The following RBX1 variants were observed in gnomAD, a reference collection of about 807,000 sequenced individuals.
The protein encoded by RBX1 is E3 ubiquitin-protein ligase RBX1.
For missense variants in RBX1, 46 were observed against 141.4 expected (o/e 0.33, Z 3.42); for synonymous variants, 48 against 47.9 (o/e 1.00, Z -0.01).
intron 3 of RBX1, among the ~76,000 whole-genome samples, chr22:40,964,663 T>G (rs1209724567): frequency 6.6e-6 from 1 of 152,232 alleles, no homozygotes; most frequent in African/African-American, 2.4e-5. Flanking sequence ...AAATATCAAA[T>G]ATGTTAGTTC....
chr22:40,970,210 G>T (rs2058365223), intron 4 of RBX1, among the ~76,000 whole-genome samples: 1 of 151,824 alleles, frequency 6.6e-6, no homozygotes, highest in African/African-American at 2.4e-5. Flanking sequence ...ACAAAAATTA[G>T]CCAGGCATGG....
At chr22:40,970,350 CAAA>C (rs1000627504) in intron 4 of RBX1, among the ~76,000 whole-genome samples, 10 of 101,568 alleles carry the variant, frequency 9.8e-5, no homozygotes, top group African/African-American at 1.5e-4. Context: ...AACTTCGTCT[CAAA>C]AAAAAAAAAA....
chr22:40,964,545 AT>A, intron 3 of RBX1: 1 of 159,014 alleles, frequency 6.3e-6, no homozygotes, highest in Middle Eastern at 3.3e-3. Context: ...AGTGTGGCGT[AT>A]GTACTGAGAT....
intron 1 of RBX1, 39 bp downstream of exon 1, chr22:40,951,515 A>G: frequency 6.3e-7 from 1 of 1,596,324 alleles, no homozygotes; most frequent in Non-Finnish European, 8.6e-7. Context: ...GAAGCTAGAG[A>G]GGCGCGGATC....
intron 3 of RBX1, 75 bp from the exon 4 acceptor site, chr22:40,967,724 C>A: frequency 5.1e-6 from 6 of 1,186,162 alleles, no homozygotes; most frequent in Non-Finnish European, 7.4e-6. Flanking sequence ...ATGCCACTAC[C>A]CTGTGGGACC....
intron 2 of RBX1, among the ~76,000 whole-genome samples, chr22:40,954,285 GTC>G (rs978228590): frequency 2.1e-5 from 3 of 140,558 alleles, no homozygotes; most frequent in Non-Finnish European, 4.8e-5. Flanking sequence ...AAAAAAAAAA[GTC>G]TATCTGATCT....
At chr22:40,955,007 G>A (rs2058321386) in intron 2 of RBX1, among the ~76,000 whole-genome samples, 1 of 152,022 alleles carries the variant, frequency 6.6e-6, no homozygotes, top group Non-Finnish European at 1.5e-5. Flanking sequence ...GGCTGGCCTC[G>A]AACTCCTGAC....
Position 40,954,736 on chromosome 22 carries a change from CT to C in RBX1, c.157+1117del, listed in dbSNP as rs759762135. Among the ~76,000 whole-genome samples, 1,111 of 142,230 alleles carry C rather than the reference CT, an allele frequency of 7.8e-3. 8 individuals carry two copies. Among genetic ancestry groups the C allele is most frequent in the East Asian group, 0.037 (183 of 4,946 alleles). 93.3% of individuals were successfully genotyped at this position (142,230 alleles called of 152,430 possible). ...CTCACTCTGTTAGTTTACCTGGATG[CT>C]TTTTTTTTTTTTTAACTGACCACGG... On this transcript the variant is annotated intron_variant, in intron 2 of 4. Coordinates refer to ENST00000216225, the MANE Select transcript of RBX1 (RefSeq NM_014248.4).
intron 2 of RBX1, among the ~76,000 whole-genome samples, chr22:40,958,875 A>G (rs1601535828): frequency 6.6e-6 from 1 of 151,754 alleles, no homozygotes; most frequent in East Asian, 1.9e-4. Flanking sequence ...GTGCAGTGGC[A>G]TGATCTCGGT....
intron 4 of RBX1, among the ~76,000 whole-genome samples, chr22:40,971,472 A>G (rs2058368891): frequency 6.6e-6 from 1 of 152,214 alleles, no homozygotes; most frequent in South Asian, 2.1e-4. Context: ...AAAAAGATCC[A>G]GGACAAAAGA....
At chr22:40,960,003 T>C (rs1406412768) in intron 2 of RBX1, among the ~76,000 whole-genome samples, 1 of 150,378 alleles carries the variant, frequency 6.6e-6, no homozygotes, top group Admixed American at 6.6e-5. Context: ...CTGTAATCCC[T>C]GCTACTTGGG....
intron 2 of RBX1, among the ~76,000 whole-genome samples, chr22:40,960,655 C>G (rs999578377): frequency 1.3e-5 from 2 of 152,102 alleles, no homozygotes; most frequent in Non-Finnish European, 2.9e-5. Context: ...TTAGAGGATC[C>G]AGCTTAAAGG....
intron 2 of RBX1, 117 bp from the exon 3 acceptor site, chr22:40,963,930 C>A: frequency 2.7e-6 from 2 of 733,646 alleles, no homozygotes; most frequent in East Asian, 2.6e-5. Flanking sequence ...CTTCCTTTCC[C>A]ACATTCATTA....
At chr22:40,965,015 T>C (rs1207845411) in intron 3 of RBX1, among the ~76,000 whole-genome samples, 1 of 152,110 alleles carries the variant, frequency 6.6e-6, no homozygotes, top group Non-Finnish European at 1.5e-5. Flanking sequence ...TTAAAAAAAA[T>C]CTAAATAGGC....
chr22:40,967,034 CTT>C (rs2058356204), intron 3 of RBX1: 1 of 152,160 alleles, frequency 6.6e-6, no homozygotes, highest in Admixed American at 6.6e-5. Context: ...TCTTGATACT[CTT>C]GTCTTTTTAC....
In RBX1 at chr22:40,972,660, T is replaced by C; in HGVS notation, c.*172T>C. 1.7e-6 allele frequency: 1 copy of C among 585,570 alleles called. No individual in the cohort carries two copies. The highest frequency in any genetic ancestry group is 3.1e-6 in the Non-Finnish European group (1 of 324,318). 36.3% of individuals were successfully genotyped at this position (585,570 alleles called of 1,614,324 possible). A position where few individuals can be genotyped will look rare whatever the true frequency, so the allele number is the denominator to read the frequency against. Reference sequence around the variant, plus strand: ...TGTCAAATAAAGTCCAGTTGGATTCTGGAACGGATGCTCTCTCTTGTGTAT... The same window carrying C: ...TGTCAAATAAAGTCCAGTTGGATTCCGGAACGGATGCTCTCTCTTGTGTAT... On this transcript the variant is annotated 3_prime_UTR_variant, in exon 5 of 5. Coordinates refer to ENST00000216225, the MANE Select transcript of RBX1 (RefSeq NM_014248.4).
At chr22:40,965,131 G>A (rs557073760) in intron 3 of RBX1, among the ~76,000 whole-genome samples, 14 of 152,090 alleles carry the variant, frequency 9.2e-5, no homozygotes, top group African/African-American at 3.1e-4. Context: ...GTGAAACCCC[G>A]TCTCTACTAA....
intron 3 of RBX1, among the ~76,000 whole-genome samples, chr22:40,965,958 T>C (rs1024511676): frequency 6.6e-6 from 1 of 152,130 alleles, no homozygotes; most frequent in African/African-American, 2.4e-5. Flanking sequence ...TAAATTTGGC[T>C]AAGGAGAGAT....
At position 40,951,607 on chromosome 22, in the gene RBX1, G is replaced by T. The variant is rs943091674; in HGVS notation, c.78+131G>T. ...GTTCCTGGGACCGGGTACCACGAAA[G>T]GAAGCCGGGGGGCGGGTCTTAGAGT... On this transcript the variant is annotated intron_variant, in intron 1 of 4. Coordinates refer to ENST00000216225, the MANE Select transcript of RBX1 (RefSeq NM_014248.4). 3 of 804,986 alleles carry T rather than the reference G, an allele frequency of 3.7e-6. No homozygotes were observed. The African/African-American group carries it at 5.2e-5, about 14-fold the overall frequency. 49.9% of individuals were successfully genotyped at this position (804,986 alleles called of 1,614,324 possible).
Sources: allele counts gnomAD v4.1 joint callset (sites outside exome capture counted in the v4.1 genomes callset), GRCh38; gene constraint gnomAD v4.1.1; transcripts MANE v1.5; gene names NCBI Gene and HGNC (gene_info 2026-07-23, HGNC 2026-07-21).